The following CEP120 variants were observed in gnomAD, a reference collection of about 807,000 sequenced individuals.
CEP120 encodes centrosomal protein of 120 kDa.
In CEP120, 113 loss-of-function variants were observed where a neutral mutation model predicts 126.5. The ratio of observed to expected loss-of-function variants is 0.89; its 90% CI spans 0.77 to 1.04. CEP120 has a LOEUF of 1.04. Among genes scored for constraint, CEP120 ranks in the 50% least tolerant of loss-of-function variants. The pLI, the probability that CEP120 is intolerant of heterozygous loss-of-function variation, is 0.00. For missense variants in CEP120, 1,230 were observed against 1,155.7 expected, an observed-to-expected ratio of 1.06 and a Z score of -0.93; for synonymous variants, 400 against 394.3, an observed-to-expected ratio of 1.01 and a Z score of -0.17.
At chr5:123,389,865 T>G in intron 8 of CEP120, 59 bp downstream of exon 8, 1 of 1,445,666 alleles carries the variant, frequency 6.9e-7, no homozygotes, top group Non-Finnish European at 9.6e-7. Flanking sequence ...AGTCATTTTT[T>G]AGATGGCTGC....
intron 4 of CEP120, chr5:123,402,472 T>G: frequency 1.2e-5 from 8 of 655,820 alleles, no homozygotes; most frequent in Non-Finnish European, 1.6e-5. Context: ...CAGGCTGCAG[T>G]GGATCTCGGC....
At chr5:123,407,116 A>AAC (rs1554105279) in intron 4 of CEP120, among the ~76,000 whole-genome samples, 22 of 151,354 alleles carry the variant, frequency 1.5e-4, no homozygotes, top group South Asian at 1.2e-3. Flanking sequence ...AAAAAAAAAA[A>AAC]AAACAAAAAA....
upstream of CEP120, chr5:123,423,607 G>A (rs1774869338): frequency 6.5e-6 from 1 of 152,830 alleles, no homozygotes; most frequent in Non-Finnish European, 1.5e-5. Flanking sequence ...TCCTGAAGCT[G>A]CGTAGCCTTT....
In CEP120 at chr5:123,400,793, G is replaced by T. The variant is rs543474008; in HGVS notation, c.464-1509C>A. The T allele has an allele frequency of 7.7e-4, 568 of 732,938 alleles. 4 individuals are homozygous for T. The African/African-American group carries it at 8.9e-3, about 11-fold the overall frequency. 45.4% of individuals were successfully genotyped at this position (732,938 alleles called of 1,614,324 possible). ...CCAGGCAGTAAACTCCCCCGCGGGTGGACTGAGGCCTAGGGCTGAGCCTCA... is the reference window on the plus strand; with the variant it reads ...CCAGGCAGTAAACTCCCCCGCGGGTTGACTGAGGCCTAGGGCTGAGCCTCA... On this transcript the variant is annotated intron_variant, in intron 4 of 19. Coordinates refer to ENST00000306467, the MANE Select transcript of CEP120 (RefSeq NM_001375405.1).
chr5:123,405,283 C>T (rs1240654506), intron 4 of CEP120, among the ~76,000 whole-genome samples: 1 of 149,422 alleles, frequency 6.7e-6, no homozygotes, highest in Non-Finnish European at 1.5e-5. Context: ...CTCCAGGGGA[C>T]CCAGTCACAA....
intron 3 of CEP120, among the ~76,000 whole-genome samples, chr5:123,413,894 T>C (rs961484040): frequency 6.6e-6 from 1 of 152,238 alleles, no homozygotes; most frequent in Non-Finnish European, 1.5e-5. Flanking sequence ...TTTTCTGTTA[T>C]ATAACTCAGA....
Position 123,423,326 on chromosome 5 carries a change from A to C in CEP120, c.-328T>G, listed in dbSNP as rs1386149124. 7 of 344,644 alleles carry C rather than the reference A, an allele frequency of 2.0e-5. No homozygotes were observed. Among genetic ancestry groups the C allele is most frequent in the South Asian group, 7.4e-5 (2 of 26,924 alleles). The allele number at this position is 344,644 out of a possible 1,614,324, so 21.3% of individuals were successfully genotyped here. On this transcript the variant is annotated 5_prime_UTR_variant, in exon 1 of 20. Transcript: ENST00000306467. ...GCTTTTCAAACGCCCGGGCGGCCGC[A>C]GCGGCCGCCGCCGCGCCCAGCTTCC...
chr5:123,346,610 C>G lies in CEP120; in HGVS notation c.2870G>C (p.Arg957Thr). The G allele has an allele frequency of 1.2e-6, 2 of 1,613,964 alleles. No homozygotes were observed. Among genetic ancestry groups the G allele is most frequent in the Non-Finnish European group, 1.7e-6 (2 of 1,179,940 alleles). The change falls in exon 20 of 20, where the codon AGA (arginine) becomes ACA (threonine). Residue 957 changes from arginine (R) to threonine (T), a missense_variant. Coordinates refer to ENST00000306467, the MANE Select transcript of CEP120 (RefSeq NM_001375405.1). ...ATCCTCGTGATTATACACACCCGTT[C>G]TCATCAAAGTATCCCTTTCTTCTAT... ...RLIEERDTLM[R>T]TGVYNHEDRI...
rs1344471025 is a variant in CEP120 at position 123,389,917 on chromosome 5, A to C, written c.1255+7T>G. On this transcript the variant is annotated splice_region_variant and intron_variant, in intron 8 of 19. Coordinates refer to ENST00000306467, the MANE Select transcript of CEP120 (RefSeq NM_001375405.1). ...AAGATCTATAAACAAACAACAAAAA[A>C]CCTTACCTTTTGGATTTGGTTTGGT... is the stretch of plus-strand genomic sequence containing the variant. 6 of 1,610,288 alleles carry C rather than the reference A, an allele frequency of 3.7e-6. No homozygotes were observed. Among genetic ancestry groups the C allele is most frequent in the Non-Finnish European group, 5.1e-6 (6 of 1,176,800 alleles).
rs1348307177 is a variant in CEP120 at position 123,390,130 on chromosome 5, T to G, written c.1049A>C (p.Glu350Ala). 3 of 1,604,548 alleles carry G rather than the reference T, an allele frequency of 1.9e-6. No individual in the cohort carries two copies. In the African/African-American group the frequency reaches 4.0e-5, roughly 22 times the overall value. The change falls in exon 8 of 20, where the codon GAA becomes GCA. Residue 350 changes from glutamate (E) to alanine (A), a missense_variant. By Grantham distance (107) the Glu-to-Ala change is moderately radical (BLOSUM62 -1). Transcript: ENST00000306467. Reference sequence around the variant, plus strand: ...CTCATGTTCATTCTGGGTCTTTAATTCAATTAAAGACTAAAAACAATTTTT... The same window carrying G: ...CTCATGTTCATTCTGGGTCTTTAATGCAATTAAAGACTAAAAACAATTTTT... ...REGIDSQSLIELKTQNEHEPE... is the reference protein window; with the variant it reads ...REGIDSQSLIALKTQNEHEPE...
intron 18 of CEP120, among the ~76,000 whole-genome samples, chr5:123,355,302 G>A (rs1769510589): frequency 6.6e-6 from 1 of 152,326 alleles, no homozygotes; most frequent in Admixed American, 6.5e-5. Flanking sequence ...TATATACCCA[G>A]TAAGGGGATG....
chr5:123,371,758 C>A (rs1231323707), intron 17 of CEP120, among the ~76,000 whole-genome samples: 1 of 152,114 alleles, frequency 6.6e-6, no homozygotes, highest in African/African-American at 2.4e-5. Context: ...CTCCCACCCA[C>A]TGGTCTTCCG....
intron 11 of CEP120, among the ~76,000 whole-genome samples, chr5:123,383,363 C>T (rs1276103855): frequency 6.6e-6 from 1 of 152,018 alleles, no homozygotes; most frequent in Non-Finnish European, 1.5e-5. Flanking sequence ...ATCTTACTGC[C>T]CACAGGTAAT....
rs1483645111 is a variant in CEP120, at chr5:123,390,209, G to A, written c.1039-69C>T. The stretch of plus-strand genomic sequence containing the variant: ...CCTTCATAATTAAGCAAAAAACTTG[G>A]CATTGTTTTTTAAAAATATAAGCTT... On this transcript the variant is annotated intron_variant, in intron 7 of 19. Coordinates refer to ENST00000306467, the MANE Select transcript of CEP120 (RefSeq NM_001375405.1). The A allele has an allele frequency of 5.3e-6, 6 of 1,137,242 alleles. No homozygotes were observed. In the Admixed American group the frequency reaches 1.3e-4, roughly 26 times the overall value. 70.4% of individuals were successfully genotyped at this position (1,137,242 alleles called of 1,614,324 possible). A position where few individuals can be genotyped will look rare whatever the true frequency, so the allele number is the denominator to read the frequency against.
chr5:123,390,066 C>T lies in CEP120; in HGVS notation c.1113G>A (p.Lys371=), dbSNP rs375230630. 43 of 1,614,084 alleles carry T rather than the reference C, an allele frequency of 2.7e-5. No individual in the cohort carries two copies. The East Asian group carries it at 4.2e-4, about 16-fold the overall frequency. Residue 371 remains lysine (K), a synonymous_variant, in exon 8 of 20, where the codon AAG becomes AAA. Coordinates refer to ENST00000306467, the MANE Select transcript of CEP120 (RefSeq NM_001375405.1). The stretch of plus-strand genomic sequence containing the variant: ...ATTTTGGCCCAGTAAGTGTCTTCTC[C>T]TTTATGGGGGTTAAAACTTTCTTCT... ...HSKKKVLTPI[K]EKTLTGPKSP... is the part of the protein sequence containing the mutation.
chr5:123,376,566 T>A (rs546147864), intron 16 of CEP120, among the ~76,000 whole-genome samples: 1 of 152,072 alleles, frequency 6.6e-6, no homozygotes, highest in East Asian at 1.9e-4. Context: ...AAAAATATCA[T>A]TCTGGCTACA....
At chr5:123,376,015 T>C (rs1771193058) in intron 16 of CEP120, among the ~76,000 whole-genome samples, 1 of 151,714 alleles carries the variant, frequency 6.6e-6, no homozygotes, top group Non-Finnish European at 1.5e-5. Context: ...TTAGCAAATA[T>C]TTATTGAGCC....
chr5:123,390,172 G>T (rs1177279550), intron 7 of CEP120, 32 bp from the exon 8 acceptor site: 1 of 1,461,520 alleles, frequency 6.8e-7, no homozygotes, highest in African/African-American at 1.4e-5. Context: ...AGTATAATTT[G>T]CAAAGAACTT....
At chr5:123,397,309 A>G (rs949770300) in intron 5 of CEP120, among the ~76,000 whole-genome samples, 1 of 152,186 alleles carries the variant, frequency 6.6e-6, no homozygotes, top group Non-Finnish European at 1.5e-5. Flanking sequence ...GGGTGACAAG[A>G]GCGAGGCTCC....
Sources: gnomAD v4.1 joint callset for allele counts (sites outside exome capture counted in the v4.1 genomes callset) on GRCh38, gnomAD v4.1.1 for gene constraint, MANE v1.5 for transcripts, NCBI Gene and HGNC (gene_info 2026-07-23, HGNC 2026-07-21) for gene names.